ADAMTS20: variants seen among roughly 807,000 people sequenced by gnomAD.
The protein encoded by ADAMTS20 is ADAM metallopeptidase with thrombospondin type 1 motif 20.
ADAMTS20 carries 225 observed loss-of-function variants against 260.1 expected under a neutral mutation model. That is an observed-to-expected ratio of 0.87 (90% CI 0.78 to 0.97). The LOEUF is 0.97. Ranked by LOEUF, ADAMTS20 falls within the 50% of genes least tolerant of loss-of-function variation. The probability of loss-of-function intolerance (pLI) is 0.00; values close to 1 mark genes in which losing one functional copy is unlikely to be tolerated. For synonymous variants in ADAMTS20, 802 were observed against 769.5 expected, an observed-to-expected ratio of 1.04 and a Z score of -0.70; for missense variants, 2,400 against 2,337.7, an observed-to-expected ratio of 1.03 and a Z score of -0.55.
At chr12:43,380,605 C>T (rs1433561085) in intron 31 of ADAMTS20, among the ~76,000 whole-genome samples, 4 of 152,010 alleles carry the variant, frequency 2.6e-5, no homozygotes, top group Admixed American at 2.6e-4. Context: ...AATTCTATTT[C>T]TATACACAAG....
intron 28 of ADAMTS20, among the ~76,000 whole-genome samples, chr12:43,401,941 A>T (rs1301289565): frequency 6.6e-6 from 1 of 151,844 alleles, no homozygotes; most frequent in Non-Finnish European, 1.5e-5. Context: ...TTCGCTCAAA[A>T]ACAGGGCCTA....
At chr12:43,405,858 G>A in intron 28 of ADAMTS20, among the ~76,000 whole-genome samples, 1 of 152,142 alleles carries the variant, frequency 6.6e-6, no homozygotes, top group East Asian at 1.9e-4. Context: ...ACAGCAAGGT[G>A]CATAAGTCAT....
intron 4 of ADAMTS20, among the ~76,000 whole-genome samples, chr12:43,501,481 G>GCGCGCGCGCACACACA (rs373746834): frequency 8.5e-6 from 1 of 117,810 alleles, no homozygotes; most frequent in African/African-American, 3.2e-5. Context: ...GCGCGCGCGC[G>GCGCGCGCGCACACACA]CACACACACA....
chr12:43,460,989 T>TATATATATATA (rs1555129949), intron 11 of ADAMTS20, among the ~76,000 whole-genome samples: 7 of 25,912 alleles, frequency 2.7e-4, no homozygotes, highest in Admixed American at 7.8e-4. Context: ...TATATATATA[T>TATATATATATA]TTTTTTTTTT....
chr12:43,544,486 C>T (rs184295864), intron 2 of ADAMTS20, among the ~76,000 whole-genome samples: 1 of 152,042 alleles, frequency 6.6e-6, no homozygotes, highest in African/African-American at 2.4e-5. Context: ...AATGCAGACA[C>T]CTAGCTTTAA....
Position 43,460,983 on chromosome 12 carries a change from TATATA to T in ADAMTS20, c.1614+1907_1614+1911del, listed in dbSNP as rs199555826. 1.4e-3 allele frequency among the ~76,000 whole-genome samples: 87 copies of T among 61,832 alleles called. 1 individual carries two copies. Among genetic ancestry groups the T allele is most frequent in the African/African-American group, 4.8e-3 (79 of 16,534 alleles). The allele number at this position is 61,832 out of a possible 152,430, so 40.6% of individuals were successfully genotyped here. The stretch of plus-strand genomic sequence containing the variant: ...ACTAAATTATATATATATATATATA[TATATA>T]TTTTTTTTTTTTTTTTTTTTTTTGA... On this transcript the variant is annotated intron_variant, in intron 11 of 38. Coordinates refer to ENST00000389420, the MANE Select transcript of ADAMTS20 (RefSeq NM_025003.5).
chr12:43,481,130 AG>A (rs1266251135), intron 7 of ADAMTS20, among the ~76,000 whole-genome samples: 1 of 152,176 alleles, frequency 6.6e-6, no homozygotes, highest in Non-Finnish European at 1.5e-5. Flanking sequence ...GGAATTCACC[AG>A]ATTAACCCAT....
chr12:43,427,301 G>T lies in ADAMTS20; in HGVS notation c.4107+7C>A. The T allele has an allele frequency of 1.2e-6, 2 of 1,610,148 alleles. No individual in the cohort carries two copies. Among genetic ancestry groups the T allele is most frequent in the South Asian group, 2.2e-5 (2 of 90,284 alleles). ...ATCTCACAAGTTTAGAAAATATTATGACTTACTTCTCCCCAATTTCCGTAG... is the reference window on the plus strand; with the variant it reads ...ATCTCACAAGTTTAGAAAATATTATTACTTACTTCTCCCCAATTTCCGTAG... On this transcript the variant is annotated splice_region_variant and intron_variant, in intron 27 of 38. Transcript: ENST00000389420.
intron 22 of ADAMTS20, among the ~76,000 whole-genome samples, chr12:43,431,087 A>G (rs773887138): frequency 4.1e-4 from 62 of 152,260 alleles, no homozygotes; most frequent in Non-Finnish European, 7.3e-4. Flanking sequence ...ATAAAAGCAT[A>G]AAGTCTGTAG....
chr12:43,506,311 C>T (rs1465233041), intron 3 of ADAMTS20, among the ~76,000 whole-genome samples: 4 of 151,332 alleles, frequency 2.6e-5, no homozygotes, highest in Non-Finnish European at 5.9e-5. Context: ...AAAAAGTATA[C>T]TGGTGGTTAC....
intron 28 of ADAMTS20, chr12:43,423,256 A>G (rs1941267858): frequency 6.4e-6 from 1 of 155,842 alleles, no homozygotes; most frequent in Admixed American, 6.3e-5. Flanking sequence ...CATAGATAAC[A>G]CGTAAACAAA....
At chr12:43,502,005 T>C in intron 4 of ADAMTS20, 147 bp downstream of exon 4, 1 of 727,046 alleles carries the variant, frequency 1.4e-6, no homozygotes. Context: ...CTATCTAAAC[T>C]AAACTTCAAT....
At chr12:43,419,033 G>C (rs578032031) in intron 28 of ADAMTS20, among the ~76,000 whole-genome samples, 1 of 152,064 alleles carries the variant, frequency 6.6e-6, no homozygotes, top group African/African-American at 2.4e-5. Context: ...GAAACAAAAT[G>C]TTCAAAACTA....
At chr12:43,491,538 T>C (rs927938895) in intron 6 of ADAMTS20, among the ~76,000 whole-genome samples, 1 of 152,188 alleles carries the variant, frequency 6.6e-6, no homozygotes, top group African/African-American at 2.4e-5. Context: ...CAACCAAATA[T>C]CAAACCTAGG....
intron 3 of ADAMTS20, among the ~76,000 whole-genome samples, chr12:43,526,390 G>A (rs569646662): frequency 6.6e-5 from 10 of 152,210 alleles, no homozygotes; most frequent in Admixed American, 2.6e-4. Context: ...CCCGGAAGGC[G>A]GAGCTTGTGG....
In ADAMTS20 at chr12:43,496,933, G is replaced by A. The variant is rs143148341; in HGVS notation, c.868-3680C>T. On this transcript the variant is annotated intron_variant, in intron 4 of 38. Transcript: ENST00000389420. ...ATATGACCGTAGTCCTTAGCCCCCCGACCATGGAGCGTATCATAGGACTAA... is the reference window on the plus strand; with the variant it reads ...ATATGACCGTAGTCCTTAGCCCCCCAACCATGGAGCGTATCATAGGACTAA... Among the ~76,000 whole-genome samples the A allele has an allele frequency of 8.0e-4, 121 of 152,088 alleles. 1 individual carries two copies. The highest frequency in any genetic ancestry group is 2.8e-3 in the African/African-American group (116 of 41,488).
rs145238050 is a variant in ADAMTS20 at position 43,375,504 on chromosome 12, T to C, written c.5321A>G (p.Asn1774Ser). The C allele has an allele frequency of 1.1e-4, 178 of 1,612,834 alleles. 1 individual carries two copies. In the African/African-American group the frequency reaches 2.3e-3, roughly 21 times the overall value. ...FSEVYGFRLKNPYQCPFNGSR... is the reference protein window; with the variant it reads ...FSEVYGFRLKSPYQCPFNGSR... ...CCCATTAAAAGGACATTGATATGGA[T>C]TTTTTAGTCTGTAACAACATTGGGA... Residue 1774 changes from asparagine to serine, a missense_variant, in exon 36 of 39, where the codon AAT becomes AGT. Transcript: ENST00000389420.
At chr12:43,541,155 C>A (rs756965936) in intron 2 of ADAMTS20, among the ~76,000 whole-genome samples, 1 of 152,078 alleles carries the variant, frequency 6.6e-6, no homozygotes, top group Non-Finnish European at 1.5e-5. Flanking sequence ...GGAGAACATT[C>A]GGAAATAAGG....
chr12:43,367,669 G>A (rs1248621025), intron 37 of ADAMTS20, among the ~76,000 whole-genome samples: 1 of 151,992 alleles, frequency 6.6e-6, no homozygotes, highest in East Asian at 1.9e-4. Flanking sequence ...ATTCAGTATT[G>A]TAATAGAAGA....
Sources: gnomAD v4.1 joint callset for allele counts (sites outside exome capture counted in the v4.1 genomes callset) on GRCh38, gnomAD v4.1.1 for gene constraint, MANE v1.5 for transcripts, NCBI Gene and HGNC (gene_info 2026-07-23, HGNC 2026-07-21) for gene names.